The following MB21D2 variants were observed in gnomAD, a reference collection of about 807,000 sequenced individuals.
MB21D2 encodes the protein Mab-21 domain containing 2.
MB21D2 carries 9 observed loss-of-function variants against 33.3 expected under a neutral mutation model. The observed-to-expected ratio is 0.27, with a 90% CI of 0.16 to 0.47. The LOEUF is 0.47. MB21D2 is among the 20% of genes least tolerant of loss of function. The probability of loss-of-function intolerance (pLI) is 0.99; values close to 1 mark genes in which losing one functional copy is unlikely to be tolerated. For missense variants in MB21D2, 540 were observed against 624.6 expected (o/e 0.86, Z 1.44); for synonymous variants, 241 against 236.3 (o/e 1.02, Z -0.18).
chr3:192,905,472 A>G (rs1714189952), intron 1 of MB21D2, among the ~76,000 whole-genome samples: 1 of 151,690 alleles, frequency 6.6e-6, no homozygotes, highest in African/African-American at 2.4e-5. Flanking sequence ...CCCCATCTAT[A>G]CTAAAAATAC....
intron 1 of MB21D2, among the ~76,000 whole-genome samples, chr3:192,904,492 C>T (rs1158157460): frequency 6.6e-6 from 1 of 152,202 alleles, no homozygotes; most frequent in African/African-American, 2.4e-5. Context: ...ATCTAAAGTT[C>T]TATCAGCCCA....
intron 1 of MB21D2, among the ~76,000 whole-genome samples, chr3:192,837,393 G>A (rs1426379935): frequency 2.0e-5 from 3 of 152,116 alleles, no homozygotes; most frequent in African/African-American, 7.2e-5. Context: ...CACACTCAAG[G>A]CCTGAACAGG....
intron 1 of MB21D2, among the ~76,000 whole-genome samples, chr3:192,810,368 A>T (rs565519916): frequency 6.6e-6 from 1 of 152,306 alleles, no homozygotes; most frequent in South Asian, 2.1e-4. Flanking sequence ...AATTTGCTAA[A>T]CTAGCTTTAA....
intron 1 of MB21D2, among the ~76,000 whole-genome samples, chr3:192,862,648 G>A (rs1469939687): frequency 6.6e-6 from 1 of 152,162 alleles, no homozygotes; most frequent in Admixed American, 6.5e-5. Context: ...CAGAGTCTTT[G>A]TAGGGTGCTC....
At chr3:192,884,860 C>A (rs369506719) in intron 1 of MB21D2, among the ~76,000 whole-genome samples, 3 of 152,082 alleles carry the variant, frequency 2.0e-5, no homozygotes, top group Admixed American at 6.5e-5. Flanking sequence ...GTGGACAAAT[C>A]CATGAATCAC....
chr3:192,834,044 T>C (rs1440791535), intron 1 of MB21D2, among the ~76,000 whole-genome samples: 1 of 152,178 alleles, frequency 6.6e-6, no homozygotes, highest in Non-Finnish European at 1.5e-5. Context: ...CATCTTTGAA[T>C]TGCAGGACCA....
chr3:192,891,995 C>T (rs1264492661), intron 1 of MB21D2, among the ~76,000 whole-genome samples: 1 of 152,130 alleles, frequency 6.6e-6, no homozygotes, highest in Non-Finnish European at 1.5e-5. Flanking sequence ...AAAACAAACT[C>T]ATTTACTTCA....
chr3:192,837,548 G>A (rs546082359), intron 1 of MB21D2, among the ~76,000 whole-genome samples: 8 of 152,276 alleles, frequency 5.3e-5, no homozygotes, highest in Admixed American at 2.0e-4. Context: ...GGAGAGAACC[G>A]AATGGAGGAA....
chr3:192,904,561 C>T (rs1490757446), intron 1 of MB21D2, among the ~76,000 whole-genome samples: 1 of 152,224 alleles, frequency 6.6e-6, no homozygotes, highest in East Asian at 1.9e-4. Flanking sequence ...CAACCAGCAG[C>T]AGCTGCATCA....
intron 1 of MB21D2, among the ~76,000 whole-genome samples, chr3:192,802,424 AT>A (rs1195229418): frequency 6.6e-6 from 1 of 152,190 alleles, no homozygotes; most frequent in Non-Finnish European, 1.5e-5. Flanking sequence ...ACTAAATACT[AT>A]CCAAGCAAAA....
intron 1 of MB21D2, among the ~76,000 whole-genome samples, chr3:192,881,436 T>G (rs946491316): frequency 6.6e-6 from 1 of 152,124 alleles, no homozygotes; most frequent in African/African-American, 2.4e-5. Context: ...CTAAAACAAA[T>G]GTCAGCCACC....
chr3:192,900,520 C>T (rs11716381), intron 1 of MB21D2, among the ~76,000 whole-genome samples: 80,187 of 151,716 alleles, frequency 0.53, 21,367 homozygotes, highest in Admixed American at 0.54. Flanking sequence ...TCTGGTTTGG[C>T]TGGTTTTTTC....
At chr3:192,823,041 T>C (rs1238919150) in intron 1 of MB21D2, among the ~76,000 whole-genome samples, 1 of 152,202 alleles carries the variant, frequency 6.6e-6, no homozygotes, top group Non-Finnish European at 1.5e-5. Context: ...TGATAAAATA[T>C]AATAAAATAC....
intron 1 of MB21D2, among the ~76,000 whole-genome samples, chr3:192,887,066 G>A (rs1713748251): frequency 6.6e-6 from 1 of 151,786 alleles, no homozygotes; most frequent in Non-Finnish European, 1.5e-5. Flanking sequence ...AATTCATTTC[G>A]AGAAGACGCT....
intron 1 of MB21D2, among the ~76,000 whole-genome samples, chr3:192,831,027 T>C (rs1428467081): frequency 6.6e-6 from 1 of 152,226 alleles, no homozygotes; most frequent in Non-Finnish European, 1.5e-5. Flanking sequence ...ACCCATACCC[T>C]TGCGTAGTCC....
chr3:192,849,431 C>T (rs1306580068), intron 1 of MB21D2, among the ~76,000 whole-genome samples: 2 of 152,050 alleles, frequency 1.3e-5, no homozygotes, highest in African/African-American at 4.8e-5. Flanking sequence ...GATTCTCCTG[C>T]CTCAGCTTCC....
intron 1 of MB21D2, among the ~76,000 whole-genome samples, chr3:192,800,896 A>G (rs560628270): frequency 2.0e-5 from 3 of 152,254 alleles, no homozygotes; most frequent in Non-Finnish European, 4.4e-5. Context: ...ATTGCCAATG[A>G]TAAAGCTGAA....
chr3:192,813,727 A>C (rs2108613205), intron 1 of MB21D2, among the ~76,000 whole-genome samples: 1 of 152,290 alleles, frequency 6.6e-6, no homozygotes, highest in East Asian at 1.9e-4. Flanking sequence ...GACTAAAACT[A>C]ATCTGACCAC....
At position 192,799,712 on chromosome 3, in the gene MB21D2, C is replaced by T. The variant is rs1711517479; in HGVS notation, c.212-62G>A. 1 of 1,499,074 alleles carries T rather than the reference C, an allele frequency of 6.7e-7. No homozygotes were observed. The highest frequency in any genetic ancestry group is 8.9e-7 in the Non-Finnish European group (1 of 1,122,072). The allele number at this position is 1,499,074 out of a possible 1,614,324, so 92.9% of individuals were successfully genotyped here. ...GAAACACAGACATAAGAGTCTTATGCATGAAACAGAATGCTCTGATGTTCC... is the reference window on the plus strand; with the variant it reads ...GAAACACAGACATAAGAGTCTTATGTATGAAACAGAATGCTCTGATGTTCC... On this transcript the variant is annotated intron_variant, in intron 1 of 1. Transcript: ENST00000392452. This position sits in a 1 kb window ranked among gnomAD's most constrained non-coding sequence, Gnocchi z 4.1.
Sources: gnomAD v4.1 joint callset for allele counts (sites outside exome capture counted in the v4.1 genomes callset) on GRCh38, gnomAD v4.1.1 for gene constraint, Gnocchi (gnomAD v3.1) non-coding constraint, MANE v1.5 for transcripts, NCBI Gene and HGNC (gene_info 2026-07-23, HGNC 2026-07-21) for gene names.